Variants in TNNI3K observed in about 807,000 individuals in gnomAD.
The protein encoded by TNNI3K is serine/threonine-protein kinase TNNI3K.
Under a neutral mutation model 114.5 loss-of-function variants are expected in TNNI3K, and 140 were observed. The observed-to-expected ratio is 1.22, with a 90% CI of 1.07 to 1.41. TNNI3K has a LOEUF of 1.41. Ranked by LOEUF, TNNI3K falls within the 40% of genes most tolerant of loss-of-function variation. The pLI is 0.00. For synonymous variants in TNNI3K, 347 were observed against 347.5 expected, an observed-to-expected ratio of 1.00 and a Z score of 0.02; for missense variants, 1,125 against 1,007.6, an observed-to-expected ratio of 1.12 and a Z score of -1.58.
At chr1:74,505,782 C>T (rs1669865183) in intron 23 of TNNI3K, among the ~76,000 whole-genome samples, 1 of 152,070 alleles carries the variant, frequency 6.6e-6, no homozygotes, top group Non-Finnish European at 1.5e-5. Flanking sequence ...TGAAAAAATA[C>T]TGGACCCAGG....
intron 9 of TNNI3K, among the ~76,000 whole-genome samples, chr1:74,343,972 T>C (rs1186585795): frequency 1.3e-5 from 2 of 152,182 alleles, no homozygotes; most frequent in African/African-American, 2.4e-5. Context: ...ATCTTGAAAA[T>C]TAGTCCATTT....
At chr1:74,515,834 T>C (rs1557621121) in intron 23 of TNNI3K, among the ~76,000 whole-genome samples, 1 of 152,192 alleles carries the variant, frequency 6.6e-6, no homozygotes, top group Non-Finnish European at 1.5e-5. Context: ...AAATTGGCTA[T>C]TTCTTTAGAC....
chr1:74,442,861 A>G (rs115494946), intron 20 of TNNI3K, among the ~76,000 whole-genome samples: 3,152 of 152,212 alleles, frequency 0.021, 116 homozygotes, highest in African/African-American at 0.071. Context: ...TAAGAAACTC[A>G]TTAAAAATCA....
chr1:74,397,926 T>C (rs79807247), intron 17 of TNNI3K, among the ~76,000 whole-genome samples: 2,276 of 152,318 alleles, frequency 0.015, 61 homozygotes, highest in African/African-American at 0.052. Flanking sequence ...TGATTCCAAA[T>C]ATTCCCTATG....
chr1:74,328,884 T>C (rs1410335929), intron 5 of TNNI3K, among the ~76,000 whole-genome samples: 1 of 152,144 alleles, frequency 6.6e-6, no homozygotes, highest in Non-Finnish European at 1.5e-5. Flanking sequence ...TTATGCTATA[T>C]TTAAAATAAG....
chr1:74,492,417 A>G (rs1361143009), intron 23 of TNNI3K, 151 bp downstream of exon 23: 4 of 1,094,198 alleles, frequency 3.7e-6, no homozygotes, highest in Non-Finnish European at 4.8e-6. Context: ...TTACGTTATG[A>G]CTAAAAATTA....
chr1:74,500,447 C>G (rs1223204663), intron 23 of TNNI3K, among the ~76,000 whole-genome samples: 1 of 150,616 alleles, frequency 6.6e-6, no homozygotes, highest in African/African-American at 2.4e-5. Context: ...ACTAAAAATA[C>G]AAAAAAATTA....
Position 74,433,333 on chromosome 1 carries a change from G to T in TNNI3K, c.1773-2747G>T, listed in dbSNP as rs1011143931. ...TGATGCCCACTGAAGCTGTCACTGT[G>T]ACTGATTAGCACAGGTTCTGCCAGC... On this transcript the variant is annotated intron_variant, in intron 17 of 24. Transcript: ENST00000326637. Among the ~76,000 whole-genome samples, 4 of 152,034 alleles carry T rather than the reference G, an allele frequency of 2.6e-5. 1 individual carries two copies. Among genetic ancestry groups the T allele is most frequent in the African/African-American group, 9.7e-5 (4 of 41,414 alleles).
intron 17 of TNNI3K, among the ~76,000 whole-genome samples, chr1:74,432,507 A>C (rs564553633): frequency 6.6e-6 from 1 of 152,178 alleles, no homozygotes; most frequent in East Asian, 1.9e-4. Flanking sequence ...TGCCTGGCTT[A>C]CTTCCCAGGT....
intron 23 of TNNI3K, among the ~76,000 whole-genome samples, chr1:74,508,311 A>G (rs2100368051): frequency 6.6e-6 from 1 of 152,382 alleles, no homozygotes; most frequent in Middle Eastern, 3.4e-3. Context: ...TCATAAGTGT[A>G]ACCATACTGA....
intron 23 of TNNI3K, among the ~76,000 whole-genome samples, chr1:74,501,326 G>T (rs1669613620): frequency 6.6e-6 from 1 of 152,110 alleles, no homozygotes; most frequent in African/African-American, 2.4e-5. Context: ...GAAGTTGCAT[G>T]TCATTTACAA....
Position 74,534,300 on chromosome 1 carries a change from C to T in TNNI3K, c.2352-5934C>T, listed in dbSNP as rs548609375. On this transcript the variant is annotated intron_variant, in intron 23 of 24. Transcript: ENST00000326637. ...AAAGTTCCCAAGTTTGCAAAAGCCA[C>T]GCTCAGAAGAATGTGATTTTAAAAA... Among the ~76,000 whole-genome samples, 9 of 152,242 alleles carry T rather than the reference C, an allele frequency of 5.9e-5. No homozygotes were observed. In the South Asian group the frequency reaches 1.4e-3, roughly 25 times the overall value.
At chr1:74,483,364 C>T (rs1270883641) in intron 21 of TNNI3K, 6 of 717,142 alleles carry the variant, frequency 8.4e-6, no homozygotes, top group Admixed American at 4.0e-5. Flanking sequence ...GCAAAGAGTA[C>T]CAGCCATCCA....
At chr1:74,339,204 A>G (rs573498398) in intron 7 of TNNI3K, among the ~76,000 whole-genome samples, 1 of 152,168 alleles carries the variant, frequency 6.6e-6, no homozygotes. Flanking sequence ...GCATCATATG[A>G]TACAATTTTT....
At chr1:74,440,199 G>A (rs1196718087) in intron 20 of TNNI3K, among the ~76,000 whole-genome samples, 1 of 151,960 alleles carries the variant, frequency 6.6e-6, no homozygotes, top group African/African-American at 2.4e-5. Flanking sequence ...AAGTGAAGGT[G>A]AGGAATCTAA....
At chr1:74,273,198 G>A (rs945823551) in intron 5 of TNNI3K, among the ~76,000 whole-genome samples, 1 of 151,860 alleles carries the variant, frequency 6.6e-6, no homozygotes, top group African/African-American at 2.4e-5. Flanking sequence ...ATCTCGTTGA[G>A]AGCAAAATAG....
intron 4 of TNNI3K, among the ~76,000 whole-genome samples, chr1:74,267,346 T>C (rs1218795853): frequency 6.6e-6 from 1 of 151,898 alleles, no homozygotes; most frequent in African/African-American, 2.4e-5. Flanking sequence ...ATCAGTTAAA[T>C]ACAGCAAAAG....
At chr1:74,281,333 G>T (rs1030391843) in intron 5 of TNNI3K, among the ~76,000 whole-genome samples, 13 of 20,016 alleles carry the variant, frequency 6.5e-4, no homozygotes, top group African/African-American at 2.2e-3. Flanking sequence ...CACAATAATA[G>T]ATGTGTGTGT....
rs770238191 is a variant in TNNI3K at position 74,369,555 on chromosome 1, C to T, written c.1637C>T (p.Ser546Phe). Residue 546 changes from serine to phenylalanine, a missense_variant, in exon 16 of 25, where the codon TCT (serine) becomes TTT (phenylalanine). By Grantham distance (155) the Ser-to-Phe change is radical. Coordinates refer to ENST00000326637, the MANE Select transcript of TNNI3K (RefSeq NM_015978.3). Reference protein sequence around the residue: ...AIVTQYISGGSLFSLLHEQKR... With the variant: ...AIVTQYISGGFLFSLLHEQKR... Reference sequence around the variant, plus strand: ...GTCACTCAATACATATCAGGGGGTTCTCTGTTCTCCCTCCTTCATGAGCAG... The same window carrying T: ...GTCACTCAATACATATCAGGGGGTTTTCTGTTCTCCCTCCTTCATGAGCAG... 6.2e-7 allele frequency: 1 copy of T among 1,610,728 alleles called. No homozygotes were observed. The highest frequency in any genetic ancestry group is 8.5e-7 in the Non-Finnish European group (1 of 1,178,394).
Sources: gnomAD v4.1 joint callset for allele counts (sites outside exome capture counted in the v4.1 genomes callset) on GRCh38, gnomAD v4.1.1 for gene constraint, MANE v1.5 for transcripts, NCBI Gene and HGNC (gene_info 2026-07-23, HGNC 2026-07-21) for gene names.